Variants in ANKRD13A observed in about 807,000 individuals in gnomAD.
The protein encoded by ANKRD13A is ankyrin repeat domain 13A.
ANKRD13A carries 48 observed loss-of-function variants against 81.3 expected under a neutral mutation model. The ratio of observed to expected loss-of-function variants is 0.59; its 90% CI spans 0.47 to 0.75. The LOEUF (loss-of-function observed/expected upper bound fraction) is 0.75, where lower values mean the gene tolerates loss of function less well. ANKRD13A is among the 30% of genes least tolerant of loss of function. The pLI, the probability that ANKRD13A is intolerant of heterozygous loss-of-function variation, is 0.00. For missense variants in ANKRD13A, 612 were observed against 734.0 expected (o/e 0.83, Z 1.92); for synonymous variants, 230 against 270.1 (o/e 0.85, Z 1.45).
intron 1 of ANKRD13A, among the ~76,000 whole-genome samples, chr12:110,002,829 G>A (rs1890050134): frequency 6.6e-6 from 1 of 152,086 alleles, no homozygotes; most frequent in Admixed American, 6.5e-5. Context: ...AAAGAATCAA[G>A]TTTATCCAGA....
intron 7 of ANKRD13A, 118 bp downstream of exon 7, chr12:110,024,230 A>G (rs920904166): frequency 6.7e-6 from 6 of 892,768 alleles, no homozygotes; most frequent in Non-Finnish European, 6.9e-6. Context: ...GGGAATGAGA[A>G]CTGTCTAATG....
intron 3 of ANKRD13A, among the ~76,000 whole-genome samples, chr12:110,015,694 G>A (rs1890756752): frequency 1.3e-5 from 2 of 152,018 alleles, no homozygotes; most frequent in Non-Finnish European, 2.9e-5. Flanking sequence ...TTACAGGCGT[G>A]TGCCACCATG....
At chr12:110,019,389 G>A (rs1890961269) in intron 6 of ANKRD13A, 61 bp downstream of exon 6, 3 of 1,449,978 alleles carry the variant, frequency 2.1e-6, no homozygotes, top group Non-Finnish European at 2.8e-6. Flanking sequence ...TGAGTGACAT[G>A]TATGTATTAA....
intron 6 of ANKRD13A, among the ~76,000 whole-genome samples, chr12:110,023,117 A>G (rs752153154): frequency 6.6e-6 from 1 of 152,094 alleles, no homozygotes; most frequent in Non-Finnish European, 1.5e-5. Context: ...CATCCCAACC[A>G]CTCAGTGGTC....
intron 4 of ANKRD13A, among the ~76,000 whole-genome samples, chr12:110,017,511 G>C (rs1035940675): frequency 6.6e-6 from 1 of 152,164 alleles, no homozygotes; most frequent in Non-Finnish European, 1.5e-5. Flanking sequence ...TTTCAGGCAA[G>C]AAGTCATATT....
At position 110,036,765 on chromosome 12, in the gene ANKRD13A, TA is replaced by T. The variant is rs1450367062; in HGVS notation, c.1577+440del. Among the ~76,000 whole-genome samples, 1 of 151,778 alleles carries T rather than the reference TA, an allele frequency of 6.6e-6. No homozygotes were observed. Among genetic ancestry groups the T allele is most frequent in the Non-Finnish European group, 1.5e-5 (1 of 67,944 alleles). On this transcript the variant is annotated intron_variant, in intron 14 of 14. Transcript: ENST00000261739. The surrounding 1 kb of genome is among the most constrained non-coding windows in gnomAD (Gnocchi z 4.6). ...ACTCCGTCTCAAAAAAAAAAAAGAC[TA>T]AAGTGTTGGCTCTCTTGCTTCCTCT...
At chr12:110,016,962 T>A (rs990318336) in intron 4 of ANKRD13A, among the ~76,000 whole-genome samples, 1 of 151,622 alleles carries the variant, frequency 6.6e-6, no homozygotes, top group Non-Finnish European at 1.5e-5. Context: ...TAGTAGAGAG[T>A]GGGGTTTCAC....
intron 4 of ANKRD13A, among the ~76,000 whole-genome samples, chr12:110,017,029 C>T (rs1890836131): frequency 6.6e-6 from 1 of 152,090 alleles, no homozygotes; most frequent in African/African-American, 2.4e-5. Context: ...CCACCCTAGC[C>T]CCCCAAAGTG....
In ANKRD13A at chr12:110,030,046, T is replaced by G. The variant is rs1202265315; in HGVS notation, c.1234+411T>G. 2.0e-5 allele frequency among the ~76,000 whole-genome samples: 3 copies of G among 152,216 alleles called. No homozygotes were observed. In the East Asian group the frequency reaches 5.8e-4, roughly 29 times the overall value. On this transcript the variant is annotated intron_variant, in intron 11 of 14. Coordinates refer to ENST00000261739, the MANE Select transcript of ANKRD13A (RefSeq NM_033121.2). ...AAGCTAGTATGCATAATGCTATATA[T>G]GTATATATCATACATACTACTCATG...
intron 3 of ANKRD13A, 76 bp downstream of exon 3, chr12:110,013,325 C>T: frequency 6.4e-7 from 1 of 1,558,172 alleles, no homozygotes; most frequent in South Asian, 1.2e-5. Context: ...GTTTGACATC[C>T]TTGTGTGCCT....
At chr12:110,028,675 T>C (rs780940221) in intron 10 of ANKRD13A, 33 bp downstream of exon 10, 13 of 1,613,398 alleles carry the variant, frequency 8.1e-6, no homozygotes, top group South Asian at 5.5e-5. Context: ...TTTCAACCTA[T>C]GTATGTTTCA....
intron 9 of ANKRD13A, 68 bp downstream of exon 9, chr12:110,027,834 G>T (rs1891429840): frequency 1.3e-6 from 2 of 1,517,148 alleles, no homozygotes; most frequent in African/African-American, 2.7e-5. Context: ...GTCTGGGATG[G>T]CATTTACTGG....
rs1228385869 is a variant in ANKRD13A at position 110,031,877 on chromosome 12, T to C, written c.1348+1119T>C. Among the ~76,000 whole-genome samples, 3 of 152,194 alleles carry C rather than the reference T, an allele frequency of 2.0e-5. No individual in the cohort carries two copies. The East Asian group carries it at 5.8e-4, about 29-fold the overall frequency. ...TTTTTAAAAATTTTTTATCTTTTTT[T>C]TTTCTTACACAATTGCATGGCCAGG... On this transcript the variant is annotated intron_variant, in intron 12 of 14. Transcript: ENST00000261739.
Position 110,013,504 on chromosome 12 carries a change from G to A in ANKRD13A, c.354+255G>A, listed in dbSNP as rs2137109112. 1.3e-5 allele frequency among the ~76,000 whole-genome samples: 2 copies of A among 152,238 alleles called. 1 individual carries two copies. Among genetic ancestry groups the A allele is most frequent in the South Asian group, 4.1e-4 (2 of 4,826 alleles). On this transcript the variant is annotated intron_variant, in intron 3 of 14. Transcript: ENST00000261739. ...AAATTATAATTGAGCCAGGTGTAGT[G>A]GCTCATGCCTATATTCCCACCACTT...
chr12:110,017,038 T>C (rs1344951830), intron 4 of ANKRD13A, among the ~76,000 whole-genome samples: 1 of 152,126 alleles, frequency 6.6e-6, no homozygotes, highest in Non-Finnish European at 1.5e-5. Context: ...CCCCCCAAAG[T>C]GCTGGGATTA....
chr12:110,036,131 T>C lies in ANKRD13A; in HGVS notation c.1510-130T>C, dbSNP rs1555249827. ...AGGTAACCCAAGTCCCTGTTAGCTT[T>C]TCACACAGCACTATTGATAATGGTC... On this transcript the variant is annotated intron_variant, in intron 13 of 14. Transcript: ENST00000261739. The surrounding 1 kb of genome is among the most constrained non-coding windows in gnomAD (Gnocchi z 4.6). 9.3e-6 allele frequency: 8 copies of C among 862,328 alleles called. No homozygotes were observed. The highest frequency in any genetic ancestry group is 1.4e-5 in the Non-Finnish European group (7 of 518,058). 53.4% of individuals were successfully genotyped at this position (862,328 alleles called of 1,614,324 possible).
At chr12:110,010,195 CT>C (rs1304694265) in intron 1 of ANKRD13A, among the ~76,000 whole-genome samples, 1 of 152,194 alleles carries the variant, frequency 6.6e-6, no homozygotes, top group East Asian at 1.9e-4. Context: ...TTACTCTGCG[CT>C]TTTAGTTTTG....
In ANKRD13A at chr12:110,030,630, T is replaced by C. The variant is rs2137168993; in HGVS notation, c.1235-15T>C. On this transcript the variant is annotated splice_polypyrimidine_tract_variant and intron_variant, in intron 11 of 14. Transcript: ENST00000261739. The stretch of plus-strand genomic sequence containing the variant: ...AGTAAAGTTTACTTATAAAAGTTTT[T>C]ATTTTGTTTGTTAGAAATTCCCTTG... The C allele has an allele frequency of 1.3e-6, 2 of 1,520,618 alleles. No individual in the cohort carries two copies. Among genetic ancestry groups the C allele is most frequent in the African/African-American group, 1.4e-5 (1 of 71,668 alleles). 94.2% of individuals were successfully genotyped at this position (1,520,618 alleles called of 1,614,324 possible). A position where few individuals can be genotyped will look rare whatever the true frequency, so the allele number is the denominator to read the frequency against.
rs1323942118 is a variant in ANKRD13A at position 110,036,186 on chromosome 12, GCCAT to G, written c.1510-73_1510-70del. 2.1e-5 allele frequency: 29 copies of G among 1,357,652 alleles called. No individual in the cohort carries two copies. The African/African-American group carries it at 3.9e-4, about 18-fold the overall frequency. The allele number at this position is 1,357,652 out of a possible 1,614,324, so 84.1% of individuals were successfully genotyped here. ...AAAGACTTTTAATTTGGTTCTTGCT[GCCAT>G]CGTTTCCTTACCAGAATGGCACCAA... On this transcript the variant is annotated intron_variant, in intron 13 of 14. Transcript: ENST00000261739. The surrounding 1 kb of genome is among the most constrained non-coding windows in gnomAD (Gnocchi z 4.6).
Sources: gnomAD v4.1 joint callset for allele counts (sites outside exome capture counted in the v4.1 genomes callset) on GRCh38, gnomAD v4.1.1 for gene constraint, Gnocchi (gnomAD v3.1) non-coding constraint, MANE v1.5 for transcripts, NCBI Gene and HGNC (gene_info 2026-07-23, HGNC 2026-07-21) for gene names.